The following CSRNP3 variants were observed in gnomAD, a reference collection of about 807,000 sequenced individuals.
The protein encoded by CSRNP3 is cysteine/serine-rich nuclear protein 3.
Under a neutral mutation model 48.0 loss-of-function variants are expected in CSRNP3, and 12 were observed. The ratio of observed to expected loss-of-function variants is 0.25; its 90% CI spans 0.16 to 0.41. CSRNP3 has a LOEUF of 0.41. Ranked by LOEUF, CSRNP3 falls within the 10% of genes least tolerant of loss-of-function variation. The pLI, the probability that CSRNP3 is intolerant of heterozygous loss-of-function variation, is 1.00. For synonymous variants in CSRNP3, 263 were observed against 269.7 expected, an observed-to-expected ratio of 0.98 and a Z score of 0.24; for missense variants, 580 against 724.4, an observed-to-expected ratio of 0.80 and a Z score of 2.29.
chr2:165,523,947 A>G (rs1684697085), intron 3 of CSRNP3, among the ~76,000 whole-genome samples: 1 of 152,220 alleles, frequency 6.6e-6, no homozygotes, highest in African/African-American at 2.4e-5. Context: ...TGTTAATGAC[A>G]TAGAGGTCAA....
chr2:165,506,051 A>G (rs911989494), intron 2 of CSRNP3, among the ~76,000 whole-genome samples: 12 of 152,134 alleles, frequency 7.9e-5, no homozygotes, highest in African/African-American at 2.9e-4. Flanking sequence ...GATACTCTCA[A>G]TACCTACCCT....
intron 3 of CSRNP3, among the ~76,000 whole-genome samples, chr2:165,532,301 A>T (rs1322995493): frequency 2.6e-5 from 4 of 152,196 alleles, no homozygotes; most frequent in African/African-American, 9.7e-5. Context: ...ATCGATGCAA[A>T]AATCCTCAAT....
At chr2:165,566,595 T>G (rs1685300707) in intron 3 of CSRNP3, among the ~76,000 whole-genome samples, 1 of 151,976 alleles carries the variant, frequency 6.6e-6, no homozygotes, top group African/African-American at 2.4e-5. Context: ...TGTAAATTCT[T>G]GATAACTATT....
At chr2:165,478,075 TA>T (rs988997558) in intron 1 of CSRNP3, among the ~76,000 whole-genome samples, 5 of 151,572 alleles carry the variant, frequency 3.3e-5, no homozygotes, top group African/African-American at 9.7e-5. Flanking sequence ...AAAGAAAGGT[TA>T]AAAAAAAGGA....
At chr2:165,660,822 T>A (rs1687084189) in intron 5 of CSRNP3, among the ~76,000 whole-genome samples, 1 of 152,196 alleles carries the variant, frequency 6.6e-6, no homozygotes. Context: ...AAACACAGTT[T>A]TCCCCTTTGG....
chr2:165,676,743 G>A, intron 6 of CSRNP3, 135 bp downstream of exon 6: 1 of 652,062 alleles, frequency 1.5e-6, no homozygotes, highest in Middle Eastern at 4.3e-4. Flanking sequence ...ATGTAATTCA[G>A]GAAGAAAGAC....
chr2:165,493,035 A>G (rs893459751), intron 1 of CSRNP3, among the ~76,000 whole-genome samples: 1 of 151,852 alleles, frequency 6.6e-6, no homozygotes, highest in African/African-American at 2.4e-5. Flanking sequence ...AGCCAAAGCC[A>G]TCTATAAGCT....
Position 165,585,832 on chromosome 2 carries a change from C to A in CSRNP3, c.-23-9211C>A, listed in dbSNP as rs180916382. 2.6e-4 allele frequency among the ~76,000 whole-genome samples: 40 copies of A among 152,264 alleles called. 1 individual carries two copies. In the East Asian group the frequency reaches 7.3e-3, roughly 28 times the overall value. The stretch of plus-strand genomic sequence containing the variant: ...GAAGAATCTTTGTTAATGATCCTTG[C>A]AGTTAAAAGTTACTCTCACTTTGCT... On this transcript the variant is annotated intron_variant, in intron 3 of 6. Transcript: ENST00000651982.
At chr2:165,594,972 C>T in intron 3 of CSRNP3, 71 bp from the exon 4 acceptor site, 1 of 1,403,398 alleles carries the variant, frequency 7.1e-7, no homozygotes, top group East Asian at 2.3e-5. Context: ...ATAAAAATGA[C>T]TCTGGAGACC....
chr2:165,530,426 G>GA (rs1234356908), intron 3 of CSRNP3, among the ~76,000 whole-genome samples: 1 of 151,994 alleles, frequency 6.6e-6, no homozygotes, highest in East Asian at 1.9e-4. Context: ...GAAGAATGCA[G>GA]AAAAAATGTA....
intron 4 of CSRNP3, among the ~76,000 whole-genome samples, chr2:165,611,384 T>C (rs1205122981): frequency 6.6e-6 from 1 of 152,008 alleles, no homozygotes; most frequent in Non-Finnish European, 1.5e-5. Context: ...TGTGTGTATA[T>C]ACATACATAT....
intron 4 of CSRNP3, among the ~76,000 whole-genome samples, chr2:165,599,074 A>C (rs946644418): frequency 2.0e-5 from 3 of 151,682 alleles, no homozygotes; most frequent in Non-Finnish European, 4.4e-5. Context: ...ATCTCTAAAA[A>C]AATTAAAAAG....
chr2:165,566,334 C>T (rs1394357798), intron 3 of CSRNP3, among the ~76,000 whole-genome samples: 1 of 151,858 alleles, frequency 6.6e-6, no homozygotes, highest in African/African-American at 2.4e-5. Flanking sequence ...CATAAAAGAA[C>T]TCCTACTCAT....
intron 4 of CSRNP3, among the ~76,000 whole-genome samples, chr2:165,624,870 A>G (rs1414410802): frequency 6.6e-6 from 1 of 152,114 alleles, no homozygotes; most frequent in Non-Finnish European, 1.5e-5. Flanking sequence ...TTCTCATTTT[A>G]CAAAGAGGAA....
intron 4 of CSRNP3, among the ~76,000 whole-genome samples, chr2:165,634,475 C>T (rs1573933606): frequency 6.6e-6 from 1 of 152,154 alleles, no homozygotes; most frequent in Non-Finnish European, 1.5e-5. Context: ...CGGCGAAGGG[C>T]CCTGTTCTTA....
intron 3 of CSRNP3, among the ~76,000 whole-genome samples, chr2:165,575,642 A>T (rs74369625): frequency 0.023 from 3,430 of 152,172 alleles, 140 homozygotes; most frequent in African/African-American, 0.078. Flanking sequence ...GATTAAGATG[A>T]GGTATTTTGG....
chr2:165,683,894 A>T lies in CSRNP3; in HGVS notation c.*4141A>T, dbSNP rs533515234. 1.3e-5 allele frequency: 2 copies of T among 152,242 alleles called. No individual in the cohort carries two copies. Among genetic ancestry groups the T allele is most frequent in the African/African-American group, 4.8e-5 (2 of 41,574 alleles). The allele number at this position is 152,242 out of a possible 1,614,324, so 9.4% of individuals were successfully genotyped here. A position where few individuals can be genotyped will look rare whatever the true frequency, so the allele number is the denominator to read the frequency against. ...TTACCTAAATTATAGAACTCACTGG[A>T]TCGCCCTTCATCTCTCTCCCTCCAT... On this transcript the variant is annotated 3_prime_UTR_variant, in exon 7 of 7. Transcript: ENST00000651982.
chr2:165,554,697 A>T (rs1390339639), intron 3 of CSRNP3, among the ~76,000 whole-genome samples: 3 of 152,126 alleles, frequency 2.0e-5, no homozygotes, highest in Non-Finnish European at 4.4e-5. Flanking sequence ...ATCATCTATT[A>T]TCCGGAAGTT....
chr2:165,635,928 T>A (rs1449318197), intron 4 of CSRNP3, among the ~76,000 whole-genome samples: 2 of 152,146 alleles, frequency 1.3e-5, no homozygotes, highest in Non-Finnish European at 2.9e-5. Context: ...ATTGTTCCTC[T>A]GGAGAATTGT....
Sources: gnomAD v4.1 joint callset for allele counts (sites outside exome capture counted in the v4.1 genomes callset) on GRCh38, gnomAD v4.1.1 for gene constraint, MANE v1.5 for transcripts, NCBI Gene and HGNC (gene_info 2026-07-23, HGNC 2026-07-21) for gene names.